The following FBXL7 variants were observed in gnomAD, a reference collection of about 807,000 sequenced individuals.
FBXL7 encodes the protein F-box and leucine rich repeat protein 7, also known as F-box/LRR-repeat protein 7.
FBXL7 carries 12 observed loss-of-function variants against 38.3 expected under a neutral mutation model. The observed-to-expected ratio is 0.31, with a 90% CI of 0.20 to 0.51. FBXL7 has a LOEUF of 0.51. Ranked by LOEUF, FBXL7 falls within the 20% of genes least tolerant of loss-of-function variation. The pLI, the probability that FBXL7 is intolerant of heterozygous loss-of-function variation, is 0.98. For missense variants in FBXL7, 567 were observed against 676.4 expected, an observed-to-expected ratio of 0.84 and a Z score of 1.79; for synonymous variants, 297 against 300.9, an observed-to-expected ratio of 0.99 and a Z score of 0.13.
intron 2 of FBXL7, among the ~76,000 whole-genome samples, chr5:15,851,172 T>C (rs1327003950): frequency 6.6e-6 from 1 of 152,186 alleles, no homozygotes; most frequent in Non-Finnish European, 1.5e-5. Flanking sequence ...CCGTTCACAA[T>C]CACTCCTTTT....
intron 2 of FBXL7, among the ~76,000 whole-genome samples, chr5:15,723,006 A>G (rs1375081831): frequency 2.0e-5 from 3 of 152,116 alleles, no homozygotes; most frequent in Non-Finnish European, 2.9e-5. Flanking sequence ...TGGATAATTC[A>G]TGTTACACAA....
At chr5:15,831,080 T>G (rs542136917) in intron 2 of FBXL7, among the ~76,000 whole-genome samples, 2 of 152,280 alleles carry the variant, frequency 1.3e-5, no homozygotes, top group Admixed American at 6.5e-5. Context: ...AATACAGCAC[T>G]TACAAGGTTA....
At chr5:15,805,247 G>T (rs1048313149) in intron 2 of FBXL7, among the ~76,000 whole-genome samples, 5 of 152,190 alleles carry the variant, frequency 3.3e-5, no homozygotes, top group Non-Finnish European at 2.9e-5. Flanking sequence ...TTTTCTGGGA[G>T]CACAGTTCTG....
At chr5:15,768,176 C>T (rs1340860756) in intron 2 of FBXL7, among the ~76,000 whole-genome samples, 2 of 151,982 alleles carry the variant, frequency 1.3e-5, no homozygotes, top group Non-Finnish European at 2.9e-5. Context: ...GTTTGGATAC[C>T]CTACTACTTT....
chr5:15,937,528 C>A lies in FBXL7; in HGVS notation c.*342C>A, dbSNP rs1275667926. ...CCGCCCTTTCCCTCGCACACAGGCC[C>A]CACCCCCACAGTTCCACGCCCCCCC... On this transcript the variant is annotated 3_prime_UTR_variant, in exon 4 of 4. Coordinates refer to ENST00000504595, the MANE Select transcript of FBXL7 (RefSeq NM_012304.5). The A allele has an allele frequency of 4.6e-6, 1 of 217,792 alleles. No homozygotes were observed. The highest frequency in any genetic ancestry group is 8.8e-6 in the Non-Finnish European group (1 of 113,368). 13.5% of individuals were successfully genotyped at this position (217,792 alleles called of 1,614,324 possible). A position where few individuals can be genotyped will look rare whatever the true frequency, so the allele number is the denominator to read the frequency against.
intron 1 of FBXL7, among the ~76,000 whole-genome samples, chr5:15,553,900 G>C (rs1738158677): frequency 6.6e-6 from 1 of 152,124 alleles, no homozygotes; most frequent in Non-Finnish European, 1.5e-5. Flanking sequence ...TCCTCAGTGG[G>C]TGGGACTCTC....
chr5:15,674,308 A>G (rs1319754241), intron 2 of FBXL7, among the ~76,000 whole-genome samples: 3 of 152,208 alleles, frequency 2.0e-5, no homozygotes, highest in Admixed American at 2.0e-4. Context: ...GTGTTATTGA[A>G]TATCCTTACA....
chr5:15,609,960 A>G (rs1189801184), intron 1 of FBXL7, among the ~76,000 whole-genome samples: 1 of 152,220 alleles, frequency 6.6e-6, no homozygotes, highest in Non-Finnish European at 1.5e-5. Flanking sequence ...ACAGTTCCAC[A>G]TGGCTGGGTA....
At chr5:15,538,471 T>G (rs1737648794) in intron 1 of FBXL7, among the ~76,000 whole-genome samples, 1 of 152,198 alleles carries the variant, frequency 6.6e-6, no homozygotes, top group South Asian at 2.1e-4. Flanking sequence ...AATAAACCCC[T>G]TTTTGTGTCT....
chr5:15,900,183 C>A (rs1473135191), intron 2 of FBXL7, among the ~76,000 whole-genome samples: 1 of 152,064 alleles, frequency 6.6e-6, no homozygotes, highest in African/African-American at 2.4e-5. Context: ...TAGTACTGTA[C>A]AAACACTGGA....
At chr5:15,561,116 G>A (rs576558076) in intron 1 of FBXL7, among the ~76,000 whole-genome samples, 2 of 152,208 alleles carry the variant, frequency 1.3e-5, no homozygotes, top group African/African-American at 2.4e-5. Context: ...TTTCTTAGCA[G>A]TTTCTTTATA....
chr5:15,831,169 C>G (rs893080830), intron 2 of FBXL7, among the ~76,000 whole-genome samples: 6 of 152,164 alleles, frequency 3.9e-5, no homozygotes, highest in Admixed American at 6.5e-5. Context: ...TGCCTATAAC[C>G]TCACCCCTTG....
chr5:15,604,769 G>A (rs967032008), intron 1 of FBXL7, among the ~76,000 whole-genome samples: 3 of 152,052 alleles, frequency 2.0e-5, no homozygotes, highest in East Asian at 1.9e-4. Context: ...TCACATTTTC[G>A]TTTTGCTTGT....
At position 15,584,613 on chromosome 5, in the gene FBXL7, G is replaced by T. The variant is rs919958081; in HGVS notation, c.38-31370G>T. On this transcript the variant is annotated intron_variant, in intron 1 of 3. Transcript: ENST00000504595. ...ATTCAAGTCTCTAGCAAGTTCCACA[G>T]ATGACCACATCTTTCTTTCTCTTTC... is the stretch of plus-strand genomic sequence containing the variant. Among the ~76,000 whole-genome samples, 90 of 152,294 alleles carry T rather than the reference G, an allele frequency of 5.9e-4. 1 individual carries two copies. The highest frequency in any genetic ancestry group is 1.9e-3 in the African/African-American group (80 of 41,560).
At chr5:15,743,659 A>G (rs753226082) in intron 2 of FBXL7, among the ~76,000 whole-genome samples, 1 of 152,226 alleles carries the variant, frequency 6.6e-6, no homozygotes, top group Non-Finnish European at 1.5e-5. Context: ...TCACAGTTCC[A>G]TTAAGCAGTG....
At chr5:15,550,383 G>C (rs1738030769) in intron 1 of FBXL7, among the ~76,000 whole-genome samples, 1 of 152,122 alleles carries the variant, frequency 6.6e-6, no homozygotes, top group South Asian at 2.1e-4. Flanking sequence ...GAGATGGTGT[G>C]ATGGGTGACA....
chr5:15,879,072 T>A (rs1014660957), intron 2 of FBXL7, among the ~76,000 whole-genome samples: 2 of 152,224 alleles, frequency 1.3e-5, no homozygotes, highest in Non-Finnish European at 2.9e-5. Context: ...ACTTGTTTTC[T>A]TTCTCAAGAA....
chr5:15,716,037 T>C (rs1744034079), intron 2 of FBXL7, among the ~76,000 whole-genome samples: 2 of 152,248 alleles, frequency 1.3e-5, no homozygotes, highest in Non-Finnish European at 2.9e-5. Flanking sequence ...TGTATTTTCA[T>C]AAAGCTGTGT....
intron 2 of FBXL7, among the ~76,000 whole-genome samples, chr5:15,864,346 T>A (rs1224583379): frequency 6.6e-6 from 1 of 152,174 alleles, no homozygotes; most frequent in Non-Finnish European, 1.5e-5. Flanking sequence ...GAGTTGTAGG[T>A]GGTTCTCTAT....
Sources: gnomAD v4.1 joint callset for allele counts (sites outside exome capture counted in the v4.1 genomes callset) on GRCh38, gnomAD v4.1.1 for gene constraint, MANE v1.5 for transcripts, NCBI Gene and HGNC (gene_info 2026-07-23, HGNC 2026-07-21) for gene names.